Variants in SELENON observed in about 807,000 individuals in gnomAD.
The protein encoded by SELENON is selenoprotein N, 1.
Under a neutral mutation model 59.5 loss-of-function variants are expected in SELENON, and 44 were observed. That is an observed-to-expected ratio of 0.74 (90% CI 0.58 to 0.95). SELENON has a LOEUF of 0.95. SELENON is among the 40% of genes least tolerant of loss of function. SELENON has a pLI of 0.00. For missense variants in SELENON, 674 were observed against 721.4 expected, an observed-to-expected ratio of 0.93 and a Z score of 0.75; for synonymous variants, 320 against 305.6, an observed-to-expected ratio of 1.05 and a Z score of -0.49.
intron 4 of SELENON, among the ~76,000 whole-genome samples, chr1:25,806,003 C>T (rs1287422806): frequency 6.6e-6 from 1 of 152,256 alleles, no homozygotes; most frequent in African/African-American, 2.4e-5. Flanking sequence ...TTCCAAATCC[C>T]CAGGCTTTCT....
At chr1:25,809,479 G>T (rs181116943) in intron 6 of SELENON, among the ~76,000 whole-genome samples, 1 of 152,338 alleles carries the variant, frequency 6.6e-6, no homozygotes, top group African/African-American at 2.4e-5. Context: ...GGGGGAGGGG[G>T]TCCAGGCAGG....
chr1:25,812,860 C>T, intron 10 of SELENON, 68 bp downstream of exon 9: 1 of 1,231,848 alleles, frequency 8.1e-7, no homozygotes, highest in Non-Finnish European at 1.2e-6. Flanking sequence ...ACCAGAGGCT[C>T]TGAGACCAAT....
At chr1:25,805,718 T>C (rs2047901131) in intron 4 of SELENON, among the ~76,000 whole-genome samples, 1 of 152,174 alleles carries the variant, frequency 6.6e-6, no homozygotes, top group African/African-American at 2.4e-5. Flanking sequence ...GCCTGGCTCC[T>C]GATAGGTACT....
rs1156942019 is a variant in SELENON at position 25,816,470 on chromosome 1, A to T, written c.*752A>T. Reference sequence around the variant, plus strand: ...GCACTCCCACCGCCTACCTTAGCACAGGGTCTCTGCAGGACTGCGGGAGCC... The same window carrying T: ...GCACTCCCACCGCCTACCTTAGCACTGGGTCTCTGCAGGACTGCGGGAGCC... On this transcript the variant is annotated 3_prime_UTR_variant, in exon 13 of 13. Coordinates refer to ENST00000361547, the MANE Select transcript of SELENON (RefSeq NM_020451.3). 6.5e-6 allele frequency: 1 copy of T among 152,718 alleles called. No homozygotes were observed. The highest frequency in any genetic ancestry group is 2.4e-5 in the African/African-American group (1 of 41,464). 9.5% of individuals were successfully genotyped at this position (152,718 alleles called of 1,614,324 possible).
intron 10 of SELENON, chr1:25,813,606 A>G (rs777504651): frequency 2.0e-5 from 11 of 536,648 alleles, no homozygotes; most frequent in Admixed American, 6.8e-5. Context: ...AGGCCCTGGG[A>G]CACAGAGCGT....
In SELENON at chr1:25,814,190, C is replaced by G; in HGVS notation, c.1602+12C>G. 6 of 1,610,178 alleles carry G rather than the reference C, an allele frequency of 3.7e-6. No homozygotes were observed. Among genetic ancestry groups the G allele is most frequent in the Non-Finnish European group, 5.1e-6 (6 of 1,177,290 alleles). On this transcript the variant is annotated intron_variant, in intron 12 of 12. Transcript: ENST00000361547. ...CCAATGGCACCGTGGTAGGCACCCC[C>G]ACTCAGACCCCACAGGGCCCAGGCA...
intron 4 of SELENON, among the ~76,000 whole-genome samples, chr1:25,805,939 TC>T (rs1395644761): frequency 1.3e-5 from 2 of 152,110 alleles, no homozygotes; most frequent in African/African-American, 2.4e-5. Context: ...TCTCTCCCAC[TC>T]TCTCCTCCCC....
chr1:25,808,175 G>A lies in SELENON; in HGVS notation c.538-405G>A, dbSNP rs567272679. On this transcript the variant is annotated intron_variant, in intron 4 of 12. Transcript: ENST00000361547. Reference sequence around the variant, plus strand: ...GAGGGCCAGGGAAGCCAGGCAGGGTGGTGGCACCCAAGGCTGGCCCATGGG... The same window carrying A: ...GAGGGCCAGGGAAGCCAGGCAGGGTAGTGGCACCCAAGGCTGGCCCATGGG... Among the ~76,000 whole-genome samples the A allele has an allele frequency of 5.4e-4, 83 of 152,364 alleles. 1 individual carries two copies. In the Middle Eastern group the frequency reaches 0.014, roughly 25 times the overall value.
In SELENON at chr1:25,809,038, C is replaced by T. The variant is rs374195814; in HGVS notation, c.760C>T (p.Arg254Trp). Residue 254 changes from arginine to tryptophan, a missense_variant, in exon 6 of 13, where the codon CGG (arginine) becomes TGG (tryptophan). Physicochemically the swap from Arg to Trp is moderately radical, Grantham distance 101 (BLOSUM62 -3). Transcript: ENST00000361547. ...CCGCCGCCCCCAGGTCATCATCCAC[C>T]GGCTCCTGAGCATGTTCCACCCTCG... 98 of 1,613,744 alleles carry T rather than the reference C, an allele frequency of 6.1e-5. No homozygotes were observed. Among genetic ancestry groups the T allele is most frequent in the Middle Eastern group, 1.6e-4 (1 of 6,062 alleles).
At position 25,801,178 on chromosome 1, in the gene SELENON, C is replaced by T. The variant is rs373189692; in HGVS notation, c.301+18C>T. On this transcript the variant is annotated intron_variant, in intron 2 of 12. Transcript: ENST00000361547. ...GCTAACAGGTACCAGGAGAGACTGGCGGCTGGGGAGGAGGGCGCCTTGGCC... is the reference window on the plus strand; with the variant it reads ...GCTAACAGGTACCAGGAGAGACTGGTGGCTGGGGAGGAGGGCGCCTTGGCC... 198 of 1,600,484 alleles carry T rather than the reference C, an allele frequency of 1.2e-4. No homozygotes were observed. The highest frequency in any genetic ancestry group is 1.6e-4 in the Non-Finnish European group (188 of 1,167,844).
rs6676342 is a variant in SELENON at position 25,800,711 on chromosome 1, T to G, written c.183+298T>G. On this transcript the variant is annotated intron_variant, in intron 1 of 12. Coordinates refer to ENST00000361547, the MANE Select transcript of SELENON (RefSeq NM_020451.3). ...CTGGTTCCCGCAGAGTCTTAAAGGG[T>G]TACTGGGGAGCCCTGGGACAGTGAG... is the stretch of plus-strand genomic sequence containing the variant. Among the ~76,000 whole-genome samples the G allele has an allele frequency of 0.82, 123,997 of 151,152 alleles. 51,003 individuals are homozygous for G. The highest frequency in any genetic ancestry group is 0.98 in the East Asian group (4,995 of 5,106).
Position 25,818,125 on chromosome 1 carries a change from C to G in SELENON, c.*2407C>G, listed in dbSNP as rs1036725698. 5.2e-5 allele frequency: 8 copies of G among 152,454 alleles called. No homozygotes were observed. Among genetic ancestry groups the G allele is most frequent in the African/African-American group, 1.9e-4 (8 of 41,462 alleles). The allele number at this position is 152,454 out of a possible 1,614,324, so 9.4% of individuals were successfully genotyped here. A position where few individuals can be genotyped will look rare whatever the true frequency, so the allele number is the denominator to read the frequency against. On this transcript the variant is annotated 3_prime_UTR_variant, in exon 13 of 13. Transcript: ENST00000361547. ...TCATGTCCCCCACCAGGCCTCGAGG[C>G]TCAGGGTGGGAGAGGGCCCCGGGCT...
intron 12 of SELENON, 41 bp downstream of exon 11, chr1:25,814,219 C>T (rs148809490): frequency 4.4e-5 from 68 of 1,541,160 alleles, no homozygotes; most frequent in Middle Eastern, 1.7e-4. Flanking sequence ...CCAGGCACCT[C>T]GGGGCCCCGG....
rs772460886 is a variant in SELENON at position 25,813,914 on chromosome 1, A to C, written c.1421A>C (p.Glu474Ala). ...CGGACTCTCCGGGAGACTGTCCTGG[A>C]AAGTTCGCCCATCCTCACCCTGCTC... The change falls in exon 11 of 13, where the codon GAA becomes GCA. Residue 474 changes from glutamate to alanine, a missense_variant. Transcript: ENST00000361547. The C allele has an allele frequency of 6.2e-7, 1 of 1,614,130 alleles. No individual in the cohort carries two copies.
chr1:25,808,261 A>T (rs997609955), intron 4 of SELENON, among the ~76,000 whole-genome samples: 1 of 151,788 alleles, frequency 6.6e-6, no homozygotes, highest in Admixed American at 6.6e-5. Flanking sequence ...CCCCATTCCA[A>T]CCTTGCCCTC....
In SELENON at chr1:25,811,984, C is replaced by T. The variant is rs994851621; in HGVS notation, c.1281+105C>T. The T allele has an allele frequency of 9.1e-6, 11 of 1,206,368 alleles. No individual in the cohort carries two copies. The South Asian group carries it at 1.1e-4, about 12-fold the overall frequency. The allele number at this position is 1,206,368 out of a possible 1,614,324, so 74.7% of individuals were successfully genotyped here. On this transcript the variant is annotated intron_variant, in intron 9 of 12. Coordinates refer to ENST00000361547, the MANE Select transcript of SELENON (RefSeq NM_020451.3). ...GACGCTGGTATGTGTGCAGGGCTTGCTACTGAGGCTGTCTCACTGTTGGGC... is the reference window on the plus strand; with the variant it reads ...GACGCTGGTATGTGTGCAGGGCTTGTTACTGAGGCTGTCTCACTGTTGGGC...
At chr1:25,808,313 GC>G (rs1335296045) in intron 4 of SELENON, among the ~76,000 whole-genome samples, 1 of 4,832 alleles carries the variant, frequency 2.1e-4, no homozygotes, top group African/African-American at 2.2e-3. Context: ...GGTGGGCTGT[GC>G]CTGGGTGGGC....
rs1408221085 is a variant in SELENON at position 25,812,492 on chromosome 1, TACAC to T, written c.1282-193_1282-190del. On this transcript the variant is annotated intron_variant, in intron 9 of 12. Coordinates refer to ENST00000361547, the MANE Select transcript of SELENON (RefSeq NM_020451.3). ...ACACACATACACACATATACAAACATACACAAACATATATACACATACAAATGTA... is the reference window on the plus strand; with the variant it reads ...ACACACATACACACATATACAAACATAAACATATATACACATACAAATGTA... Among the ~76,000 whole-genome samples the T allele has an allele frequency of 9.0e-5, 13 of 144,328 alleles. No individual in the cohort carries two copies. In the East Asian group the frequency reaches 1.2e-3, roughly 14 times the overall value. 94.7% of individuals were successfully genotyped at this position (144,328 alleles called of 152,430 possible).
At chr1:25,803,734 G>C (rs1237756804) in intron 3 of SELENON, among the ~76,000 whole-genome samples, 1 of 150,318 alleles carries the variant, frequency 6.7e-6, no homozygotes, top group African/African-American at 2.4e-5. Context: ...TTTTGAGATG[G>C]AGTCTTGCTC....
Sources: allele counts gnomAD v4.1 joint callset (sites outside exome capture counted in the v4.1 genomes callset), GRCh38; gene constraint gnomAD v4.1.1; transcripts MANE v1.5; gene names NCBI Gene and HGNC (gene_info 2026-07-23, HGNC 2026-07-21).